GIPC3: variants seen among roughly 807,000 people sequenced by gnomAD.
GIPC3 encodes PDZ domain-containing protein GIPC3.
GIPC3 carries 16 observed loss-of-function variants against 27.3 expected under a neutral mutation model. The ratio of observed to expected loss-of-function variants is 0.59; its 90% CI spans 0.40 to 0.89. The LOEUF is 0.89. Ranked by LOEUF, GIPC3 falls within the 40% of genes least tolerant of loss-of-function variation. The probability of loss-of-function intolerance (pLI) is 0.00; values close to 1 mark genes in which losing one functional copy is unlikely to be tolerated. For synonymous variants in GIPC3, 194 were observed against 184.6 expected (o/e 1.05, Z -0.41); for missense variants, 440 against 442.1 (o/e 1.00, Z 0.04).
intron 3 of GIPC3, among the ~76,000 whole-genome samples, chr19:3,587,903 A>G (rs1237546446): frequency 6.6e-6 from 1 of 151,422 alleles, no homozygotes; most frequent in East Asian, 2.0e-4. Context: ...GTTAGCCAGG[A>G]CGGTCTCGAT....
Position 3,586,644 on chromosome 19 carries a change from C to G in GIPC3, c.375C>G (p.Thr125=). 1 of 1,571,108 alleles carries G rather than the reference C, an allele frequency of 6.4e-7. No individual in the cohort carries two copies. The change falls in exon 2 of 6, where the codon ACC becomes ACG. Residue 125 remains threonine, a synonymous_variant. Coordinates refer to ENST00000644452, the MANE Select transcript of GIPC3 (RefSeq NM_133261.3). ...VTKTEDALGL[T]ITDNGAGYAF... is the part of the protein sequence containing the mutation. The stretch of plus-strand genomic sequence containing the variant: ...AGACAGAGGATGCTCTGGGGCTGAC[C>G]ATCACGGACAACGGGGCTGGCTACG...
chr19:3,587,904 C>T (rs765741811), intron 3 of GIPC3, among the ~76,000 whole-genome samples: 17 of 151,614 alleles, frequency 1.1e-4, no homozygotes, highest in East Asian at 5.9e-4. Context: ...TTAGCCAGGA[C>T]GGTCTCGATC....
Position 3,590,281 on chromosome 19 carries a change from AG to A in GIPC3, c.*92del. The A allele has an allele frequency of 6.6e-7, 1 of 1,504,584 alleles. No homozygotes were observed. The highest frequency in any genetic ancestry group is 1.3e-5 in the South Asian group (1 of 79,072). The allele number at this position is 1,504,584 out of a possible 1,614,324, so 93.2% of individuals were successfully genotyped here. On this transcript the variant is annotated 3_prime_UTR_variant, in exon 6 of 6. Transcript: ENST00000644452. ...AGAACCCAGCCCAGATCGGAGGACA[AG>A]TTCCTCTCTAGAACCCAATCCAATT...
At position 3,590,395 on chromosome 19, in the gene GIPC3, G is replaced by C; in HGVS notation, c.*205G>C. On this transcript the variant is annotated 3_prime_UTR_variant, in exon 6 of 6. Transcript: ENST00000644452. ...AAGCTATGTGCTAGAGCCCAGGCCA[G>C]CTCTGAGACCAAGCCCAGCATTGAG... 1 of 1,433,432 alleles carries C rather than the reference G, an allele frequency of 7.0e-7. No homozygotes were observed. The highest frequency in any genetic ancestry group is 1.5e-5 in the South Asian group (1 of 67,082). The allele number at this position is 1,433,432 out of a possible 1,614,324, so 88.8% of individuals were successfully genotyped here.
intron 3 of GIPC3, among the ~76,000 whole-genome samples, chr19:3,588,656 A>AAAAC (rs1568278162): frequency 6.6e-6 from 1 of 150,934 alleles, no homozygotes; most frequent in Non-Finnish European, 1.5e-5. Flanking sequence ...AAAAAAAAAA[A>AAAAC]AAACCTGGCT....
chr19:3,592,994 C>G lies in GIPC3; in HGVS notation c.*2804C>G. The G allele has an allele frequency of 8.1e-7, 1 of 1,231,334 alleles. No individual in the cohort carries two copies. The highest frequency in any genetic ancestry group is 1.0e-6 in the Non-Finnish European group (1 of 987,708). The allele number at this position is 1,231,334 out of a possible 1,614,324, so 76.3% of individuals were successfully genotyped here. ...AAGACCCCCAGCCTCTGCCTCAGCC[C>G]CATGATCAGGTATGTGGCATCCAGG... On this transcript the variant is annotated 3_prime_UTR_variant, in exon 6 of 6. Transcript: ENST00000644452.
chr19:3,590,385 G>A lies in GIPC3; in HGVS notation c.*195G>A. 7.0e-7 allele frequency: 1 copy of A among 1,435,412 alleles called. No individual in the cohort carries two copies. The highest frequency in any genetic ancestry group is 2.5e-5 in the East Asian group (1 of 39,946). The allele number at this position is 1,435,412 out of a possible 1,614,324, so 88.9% of individuals were successfully genotyped here. A position where few individuals can be genotyped will look rare whatever the true frequency, so the allele number is the denominator to read the frequency against. The stretch of plus-strand genomic sequence containing the variant: ...ATCTGAGGCCAAGCTATGTGCTAGA[G>A]CCCAGGCCAGCTCTGAGACCAAGCC... On this transcript the variant is annotated 3_prime_UTR_variant, in exon 6 of 6. Coordinates refer to ENST00000644452, the MANE Select transcript of GIPC3 (RefSeq NM_133261.3).
rs78077103 is a variant in GIPC3, at chr19:3,589,943, G to T, written c.787+31G>T. ...GGGCCAGGGTAAGCCAGGGGGCCCT[G>T]GGGGGAGGGAAGCCTACGGGAGGAG... On this transcript the variant is annotated intron_variant, in intron 5 of 5. Transcript: ENST00000644452. 74,528 of 1,613,452 alleles carry T rather than the reference G, an allele frequency of 0.046. 1,963 individuals are homozygous for T. Among genetic ancestry groups the T allele is most frequent in the Non-Finnish European group, 0.05 (58,556 of 1,179,884 alleles).
intron 3 of GIPC3, 74 bp from the exon 4 acceptor site, chr19:3,589,369 G>A: frequency 9.3e-7 from 1 of 1,076,132 alleles, no homozygotes; most frequent in South Asian, 1.2e-5. Flanking sequence ...AGGCTCGGCT[G>A]TTGGCCTCCC....
At position 3,591,469 on chromosome 19, in the gene GIPC3, A is replaced by G; in HGVS notation, c.*1279A>G. 8.1e-7 allele frequency: 1 copy of G among 1,232,390 alleles called. No homozygotes were observed. The highest frequency in any genetic ancestry group is 4.1e-5 in the South Asian group (1 of 24,348). The allele number at this position is 1,232,390 out of a possible 1,614,324, so 76.3% of individuals were successfully genotyped here. On this transcript the variant is annotated 3_prime_UTR_variant, in exon 6 of 6. Transcript: ENST00000644452. The stretch of plus-strand genomic sequence containing the variant: ...GGAACTCTGGACAGCTCCACGATGC[A>G]GCCACACCTGGACACTCGGTCTAGC...
In GIPC3 at chr19:3,590,940, G is replaced by C. The variant is rs1367121194; in HGVS notation, c.*750G>C. The C allele has an allele frequency of 8.1e-7, 1 of 1,231,976 alleles. No homozygotes were observed. Among genetic ancestry groups the C allele is most frequent in the South Asian group, 4.1e-5 (1 of 24,644 alleles). 76.3% of individuals were successfully genotyped at this position (1,231,976 alleles called of 1,614,324 possible). On this transcript the variant is annotated 3_prime_UTR_variant, in exon 6 of 6. Transcript: ENST00000644452. ...CAGCTCTAGAACTCAGATGAGCTCTGAGACAGAGCCCAGTATTGAGACCAA... is the reference window on the plus strand; with the variant it reads ...CAGCTCTAGAACTCAGATGAGCTCTCAGACAGAGCCCAGTATTGAGACCAA...
Position 3,591,183 on chromosome 19 carries a change from C to T in GIPC3, c.*993C>T. On this transcript the variant is annotated 3_prime_UTR_variant, in exon 6 of 6. Coordinates refer to ENST00000644452, the MANE Select transcript of GIPC3 (RefSeq NM_133261.3). ...AACCAATCCCAGCATTGAGACCAAGCCCTGTTCTAGAACTCAGGCCACCTC... is the reference window on the plus strand; with the variant it reads ...AACCAATCCCAGCATTGAGACCAAGTCCTGTTCTAGAACTCAGGCCACCTC... The T allele has an allele frequency of 8.1e-7, 1 of 1,233,112 alleles. No individual in the cohort carries two copies. The highest frequency in any genetic ancestry group is 1.0e-6 in the Non-Finnish European group (1 of 988,806). The allele number at this position is 1,233,112 out of a possible 1,614,324, so 76.4% of individuals were successfully genotyped here.
At position 3,586,644 on chromosome 19, in the gene GIPC3, C is replaced by T. The variant is rs2032371717; in HGVS notation, c.375C>T (p.Thr125=). Residue 125 remains threonine, a synonymous_variant, in exon 2 of 6, where the codon ACC becomes ACT. Coordinates refer to ENST00000644452, the MANE Select transcript of GIPC3 (RefSeq NM_133261.3). ...AGACAGAGGATGCTCTGGGGCTGAC[C>T]ATCACGGACAACGGGGCTGGCTACG... ...VTKTEDALGL[T]ITDNGAGYAF... The T allele has an allele frequency of 5.1e-6, 8 of 1,571,108 alleles. No homozygotes were observed. The highest frequency in any genetic ancestry group is 6.9e-6 in the Non-Finnish European group (8 of 1,153,328).
In GIPC3 at chr19:3,589,770, G is replaced by A. The variant is rs28532669; in HGVS notation, c.706-61G>A. On this transcript the variant is annotated intron_variant, in intron 4 of 5. Coordinates refer to ENST00000644452, the MANE Select transcript of GIPC3 (RefSeq NM_133261.3). ...TTCCCTTAGGGGTGGGGGTCGGGAGGGGGCTGGGCTGGAGGGCTCCAAAGC... is the reference window on the plus strand; with the variant it reads ...TTCCCTTAGGGGTGGGGGTCGGGAGAGGGCTGGGCTGGAGGGCTCCAAAGC... 0.17 allele frequency: 267,609 copies of A among 1,536,956 alleles called. 25,037 individuals are homozygous for A. Among genetic ancestry groups the A allele is most frequent in the Non-Finnish European group, 0.19 (211,394 of 1,112,598 alleles).
intron 1 of GIPC3, among the ~76,000 whole-genome samples, chr19:3,586,106 C>T (rs2032358541): frequency 6.6e-6 from 1 of 152,216 alleles, no homozygotes; most frequent in African/African-American, 2.4e-5. Context: ...GGACCCCAGC[C>T]CTCGGGGAAG....
chr19:3,589,851 G>C lies in GIPC3; in HGVS notation c.726G>C (p.Glu242Asp). Residue 242 changes from glutamate to aspartate, a missense_variant, in exon 5 of 6, where the codon GAG becomes GAC. Transcript: ENST00000644452. ...VEEAPSEFEE[E>D]ASRKVDDLLE... The stretch of plus-strand genomic sequence containing the variant: ...CCCAGCCCAGTGAGTTTGAGGAGGA[G>C]GCATCTCGGAAGGTTGATGACCTGC... The C allele has an allele frequency of 3.7e-6, 6 of 1,613,882 alleles. No individual in the cohort carries two copies. The highest frequency in any genetic ancestry group is 5.1e-6 in the Non-Finnish European group (6 of 1,180,020).
rs946085339 is a variant in GIPC3 at position 3,585,733 on chromosome 19, G to T, written c.136G>T (p.Gly46Trp). 2.0e-6 allele frequency: 3 copies of T among 1,534,494 alleles called. No individual in the cohort carries two copies. Among genetic ancestry groups the T allele is most frequent in the African/African-American group, 2.8e-5 (2 of 71,594 alleles). ...RLVFRTQLAH[G>W]SPTGKIEGFT... Reference sequence around the variant, plus strand: ...CGTCTTCCGCACGCAGCTGGCGCACGGGAGCCCCACGGGCAAGATCGAGGG... The same window carrying T: ...CGTCTTCCGCACGCAGCTGGCGCACTGGAGCCCCACGGGCAAGATCGAGGG... The change falls in exon 1 of 6, where the codon GGG becomes TGG. Residue 46 changes from glycine to tryptophan, a missense_variant. Coordinates refer to ENST00000644452, the MANE Select transcript of GIPC3 (RefSeq NM_133261.3).
chr19:3,591,294 A>C lies in GIPC3; in HGVS notation c.*1104A>C. 1 of 1,232,578 alleles carries C rather than the reference A, an allele frequency of 8.1e-7. No individual in the cohort carries two copies. The highest frequency in any genetic ancestry group is 4.1e-5 in the South Asian group (1 of 24,350). 76.4% of individuals were successfully genotyped at this position (1,232,578 alleles called of 1,614,324 possible). ...CCAGGCCAGCTCTGAGACGAAGCACATCTCTAGAATCCAGCTGAGCCCTGA... is the reference window on the plus strand; with the variant it reads ...CCAGGCCAGCTCTGAGACGAAGCACCTCTCTAGAATCCAGCTGAGCCCTGA... On this transcript the variant is annotated 3_prime_UTR_variant, in exon 6 of 6. Transcript: ENST00000644452.
At chr19:3,589,750 T>C (rs1555704675) in intron 4 of GIPC3, 81 bp from the exon 5 acceptor site, 1 of 1,402,916 alleles carries the variant, frequency 7.1e-7, no homozygotes, top group South Asian at 1.2e-5. Context: ...TACTCTTCCC[T>C]TAGGGGTGGG....
Sources: allele counts gnomAD v4.1 joint callset (sites outside exome capture counted in the v4.1 genomes callset), GRCh38; gene constraint gnomAD v4.1.1; transcripts MANE v1.5; gene names NCBI Gene and HGNC (gene_info 2026-07-23, HGNC 2026-07-21).